The following FAM168A variants were observed in gnomAD, a reference collection of about 807,000 sequenced individuals.
The protein encoded by FAM168A is family with sequence similarity 168 member A, also known as protein FAM168A.
In FAM168A, 3 loss-of-function variants were observed where a neutral mutation model predicts 28.5. The ratio of observed to expected loss-of-function variants is 0.11; its 90% confidence interval spans 0.05 to 0.27. FAM168A has a LOEUF of 0.27. Among genes scored for constraint, FAM168A ranks in the 10% least tolerant of loss-of-function variants. The pLI is 1.00. For missense variants in FAM168A, 222 were observed against 311.5 expected, an observed-to-expected ratio of 0.71 and a Z score of 2.16; for synonymous variants, 122 against 124.2, an observed-to-expected ratio of 0.98 and a Z score of 0.12.
chr11:73,411,403 C>T lies in FAM168A; in HGVS notation c.411G>A (p.Leu137=), dbSNP rs776161582. ...PIRSAYPQQN[L]YAQGAYYTQP... ...TTTGACATGTACCTACCTGGGCATA[C>T]AGATTCTGCTGGGGGTAGGCACTTC... The change falls in exon 5 of 8, where the codon CTG becomes CTA. Residue 137 remains leucine (L), a synonymous_variant. Coordinates refer to ENST00000356467, the MANE Select transcript of FAM168A (RefSeq NM_015159.3). 17 of 1,602,042 alleles carry T rather than the reference C, an allele frequency of 1.1e-5. No homozygotes were observed. In the East Asian group the frequency reaches 3.8e-4, roughly 36 times the overall value.
At chr11:73,585,758 C>A (rs1313883599) in intron 1 of FAM168A, among the ~76,000 whole-genome samples, 1 of 150,924 alleles carries the variant, frequency 6.6e-6, no homozygotes, top group Non-Finnish European at 1.5e-5. Context: ...AACCCAGCTA[C>A]TCAGGAGGCT....
chr11:73,517,143 G>A (rs1943314490), intron 1 of FAM168A, among the ~76,000 whole-genome samples: 2 of 151,998 alleles, frequency 1.3e-5, no homozygotes, highest in Admixed American at 1.3e-4. Context: ...TCGAACTCCT[G>A]GGCCCAAGCA....
chr11:73,461,199 C>T (rs1208060711), intron 2 of FAM168A, among the ~76,000 whole-genome samples: 1 of 152,096 alleles, frequency 6.6e-6, no homozygotes, highest in Admixed American at 6.5e-5. Context: ...TCACTGAAGC[C>T]TTGACTTCCT....
At chr11:73,513,938 C>T (rs1171051955) in intron 1 of FAM168A, among the ~76,000 whole-genome samples, 2 of 152,090 alleles carry the variant, frequency 1.3e-5, no homozygotes, top group African/African-American at 4.8e-5. Context: ...AATCCTAGCA[C>T]TTAGGGAGGC....
At chr11:73,498,504 TG>T (rs1854939940) in intron 1 of FAM168A, among the ~76,000 whole-genome samples, 1 of 152,138 alleles carries the variant, frequency 6.6e-6, no homozygotes, top group African/African-American at 2.4e-5. Flanking sequence ...CTGAACTCCC[TG>T]GGGGAGGGGC....
In FAM168A at chr11:73,484,513, T is replaced by G. The variant is rs576341225; in HGVS notation, c.-18-16021A>C. ...AGAACTAAGAGGAGAGAGAGATATA[T>G]ATAGATATATATATCTATATATCTA... On this transcript the variant is annotated intron_variant, in intron 1 of 7. Transcript: ENST00000356467. Among the ~76,000 whole-genome samples, 445 of 132,206 alleles carry G rather than the reference T, an allele frequency of 3.4e-3. 2 individuals carry two copies. Among genetic ancestry groups the G allele is most frequent in the African/African-American group, 0.011 (346 of 32,322 alleles). 86.7% of individuals were successfully genotyped at this position (132,206 alleles called of 152,430 possible).
chr11:73,457,746 A>AAAAAAAAAAAAAAAAG (rs1555022721), intron 2 of FAM168A, among the ~76,000 whole-genome samples: 43 of 138,402 alleles, frequency 3.1e-4, no homozygotes, highest in African/African-American at 1.3e-3. Flanking sequence ...AAAAAAAAAA[A>AAAAAAAAAAAAAAAAG]AAAAGAAAAG....
intron 1 of FAM168A, among the ~76,000 whole-genome samples, chr11:73,546,832 T>C (rs1161700743): frequency 6.6e-6 from 1 of 152,000 alleles, no homozygotes; most frequent in Non-Finnish European, 1.5e-5. Flanking sequence ...AAAAATTACA[T>C]ATGTGTTAAA....
At chr11:73,570,896 CCTTA>C (rs1944078455) in intron 1 of FAM168A, among the ~76,000 whole-genome samples, 1 of 152,080 alleles carries the variant, frequency 6.6e-6, no homozygotes, top group Non-Finnish European at 1.5e-5. Flanking sequence ...AAACCCATCT[CCTTA>C]CTTAGTCACT....
At chr11:73,478,092 C>T (rs1485180236) in intron 1 of FAM168A, among the ~76,000 whole-genome samples, 2 of 152,054 alleles carry the variant, frequency 1.3e-5, no homozygotes, top group African/African-American at 4.8e-5. Flanking sequence ...AAACAAGAGT[C>T]CAAAGTAAGG....
intron 4 of FAM168A, among the ~76,000 whole-genome samples, chr11:73,413,900 T>G (rs1402856811): frequency 1.3e-5 from 2 of 151,956 alleles, no homozygotes; most frequent in Non-Finnish European, 2.9e-5. Flanking sequence ...ACTACATCTC[T>G]AAAAAAAGAA....
At chr11:73,547,869 G>A (rs1208386817) in intron 1 of FAM168A, among the ~76,000 whole-genome samples, 1 of 151,136 alleles carries the variant, frequency 6.6e-6, no homozygotes, top group Non-Finnish European at 1.5e-5. Context: ...AAAAACACAT[G>A]GTATATACAT....
At chr11:73,448,493 T>C (rs946318372) in intron 2 of FAM168A, among the ~76,000 whole-genome samples, 4 of 152,226 alleles carry the variant, frequency 2.6e-5, no homozygotes, top group Admixed American at 6.5e-5. Context: ...GTAATTGTGA[T>C]AGACAATGGG....
At chr11:73,461,879 A>C (rs1316948625) in intron 2 of FAM168A, among the ~76,000 whole-genome samples, 1 of 152,216 alleles carries the variant, frequency 6.6e-6, no homozygotes, top group Non-Finnish European at 1.5e-5. Flanking sequence ...CTAATCTAAG[A>C]AAGGTAAAGG....
intron 1 of FAM168A, among the ~76,000 whole-genome samples, chr11:73,539,524 C>T (rs1943627678): frequency 6.6e-6 from 1 of 152,110 alleles, no homozygotes; most frequent in Admixed American, 6.5e-5. Context: ...CCGCCTCGGC[C>T]TCCCAGCGCT....
At chr11:73,422,195 G>C (rs892709454) in intron 3 of FAM168A, among the ~76,000 whole-genome samples, 1 of 152,152 alleles carries the variant, frequency 6.6e-6, no homozygotes, top group Non-Finnish European at 1.5e-5. Flanking sequence ...ATGATACATA[G>C]TAAAATAATG....
chr11:73,554,251 G>A (rs557169261), intron 1 of FAM168A, among the ~76,000 whole-genome samples: 3 of 151,696 alleles, frequency 2.0e-5, no homozygotes, highest in East Asian at 2.0e-4. Context: ...TGGGGTGTTC[G>A]CCTACAGTCC....
intron 1 of FAM168A, among the ~76,000 whole-genome samples, chr11:73,562,780 C>T (rs769420549): frequency 5.9e-5 from 9 of 152,024 alleles, no homozygotes; most frequent in Non-Finnish European, 1.3e-4. Context: ...GAGCCAAGAT[C>T]GCACCACTGC....
chr11:73,582,451 A>T (rs535859199), intron 1 of FAM168A, among the ~76,000 whole-genome samples: 1 of 151,922 alleles, frequency 6.6e-6, no homozygotes, highest in Admixed American at 6.6e-5. Flanking sequence ...TGAACCCAGG[A>T]GGCGGAGCTT....
Sources: gnomAD v4.1 joint callset for allele counts (sites outside exome capture counted in the v4.1 genomes callset) on GRCh38, gnomAD v4.1.1 for gene constraint, MANE v1.5 for transcripts, NCBI Gene and HGNC (gene_info 2026-07-23, HGNC 2026-07-21) for gene names.